The following PTPRN2 variants were observed in gnomAD, a reference collection of about 807,000 sequenced individuals.
PTPRN2 encodes receptor-type tyrosine-protein phosphatase N2.
Under a neutral mutation model 118.8 loss-of-function variants are expected in PTPRN2, and 74 were observed. The ratio of observed to expected loss-of-function variants is 0.62; its 90% CI spans 0.52 to 0.76. PTPRN2 has a LOEUF of 0.76. PTPRN2 is among the 30% of genes least tolerant of loss of function. The pLI is 0.00. For missense variants in PTPRN2, 1,481 were observed against 1,394.4 expected, an observed-to-expected ratio of 1.06 and a Z score of -0.99; for synonymous variants, 641 against 608.0, an observed-to-expected ratio of 1.05 and a Z score of -0.80.
chr7:157,544,171 G>A (rs560363389), intron 22 of PTPRN2, among the ~76,000 whole-genome samples: 1 of 151,632 alleles, frequency 6.6e-6, no homozygotes, highest in African/African-American at 2.4e-5. Flanking sequence ...GGAGAGAGAC[G>A]GAGAGAGGTG....
In PTPRN2 at chr7:157,975,527, G is replaced by A. The variant is rs957793865; in HGVS notation, c.1724-76790C>T. Among the ~76,000 whole-genome samples the A allele has an allele frequency of 7.2e-5, 11 of 152,184 alleles. 1 individual carries two copies. In the South Asian group the frequency reaches 1.9e-3, roughly 26 times the overall value. On this transcript the variant is annotated intron_variant, in intron 11 of 22. Coordinates refer to ENST00000389418, the MANE Select transcript of PTPRN2 (RefSeq NM_002847.5). ...GCTATTCATATTCCCACGGCCCCAC[G>A]AGGAGACGTGCTTCATTCTACACAA...
chr7:157,913,870 T>C (rs1197237498), intron 11 of PTPRN2, among the ~76,000 whole-genome samples: 1 of 152,162 alleles, frequency 6.6e-6, no homozygotes, highest in African/African-American at 2.4e-5. Flanking sequence ...GTCTGGGATG[T>C]TTTGTGTATG....
At chr7:158,508,177 G>A (rs79155310) in intron 1 of PTPRN2, among the ~76,000 whole-genome samples, 2,649 of 151,776 alleles carry the variant, frequency 0.017, 67 homozygotes, top group African/African-American at 0.061. Context: ...GTGGGCAGGC[G>A]GCAGGAGACC....
intron 3 of PTPRN2, among the ~76,000 whole-genome samples, chr7:158,225,236 C>T (rs149142576): frequency 4.9e-4 from 75 of 151,944 alleles, no homozygotes; most frequent in Middle Eastern, 3.4e-3. Context: ...CCATTCATCC[C>T]AAAGAAATGA....
intron 1 of PTPRN2, among the ~76,000 whole-genome samples, chr7:158,539,090 TCAGCCAGCA>T (rs1825822766): frequency 6.6e-6 from 1 of 152,122 alleles, no homozygotes; most frequent in South Asian, 2.1e-4. Flanking sequence ...GCCCCCCGTG[TCAGCCAGCA>T]CAGCCTGCAA....
intron 11 of PTPRN2, among the ~76,000 whole-genome samples, chr7:157,925,205 C>A (rs10255243): frequency 2.0e-5 from 1 of 49,238 alleles, no homozygotes; most frequent in African/African-American, 1.3e-4. Flanking sequence ...GCATTTAGCA[C>A]GTCAGGCAAA....
At chr7:158,295,000 T>C (rs12690719) in intron 3 of PTPRN2, among the ~76,000 whole-genome samples, 100,412 of 112,974 alleles carry the variant, frequency 0.89, 44,116 homozygotes, top group Middle Eastern at 0.93. Context: ...GCCCAGACAC[T>C]GCACCACCTT....
intron 12 of PTPRN2, among the ~76,000 whole-genome samples, chr7:157,713,662 C>A (rs1034716868): frequency 1.3e-5 from 2 of 152,226 alleles, no homozygotes; most frequent in African/African-American, 4.8e-5. Flanking sequence ...TTCCCACAAT[C>A]TACCTGTAAC....
At chr7:158,375,452 G>C (rs1241222453) in intron 2 of PTPRN2, among the ~76,000 whole-genome samples, 1 of 152,202 alleles carries the variant, frequency 6.6e-6, no homozygotes, top group African/African-American at 2.4e-5. Context: ...CAGCCATCTC[G>C]GGGATGTGGT....
chr7:158,146,284 A>G (rs1337955787), intron 6 of PTPRN2, among the ~76,000 whole-genome samples: 1 of 152,144 alleles, frequency 6.6e-6, no homozygotes, highest in Non-Finnish European at 1.5e-5. Flanking sequence ...CCAAAATGTT[A>G]ACCTATATTT....
In PTPRN2 at chr7:158,167,037, A is replaced by T. The variant is rs1823079658; in HGVS notation, c.804T>A (p.Leu268=). 6.5e-7 allele frequency: 1 copy of T among 1,543,782 alleles called. No homozygotes were observed. The highest frequency in any genetic ancestry group is 1.4e-5 in the African/African-American group (1 of 73,182). ...TGGGCATTCTTGAGGGTGCACGCAG[A>T]AGGTACTGTGGCTCCAGGCTGCCCT... ...PGEGSLEPQY[L]LRAPSRMPRP... The change falls in exon 6 of 23, where the codon CTT becomes CTA. Residue 268 remains leucine, a synonymous_variant. Transcript: ENST00000389418.
chr7:157,804,603 G>A (rs911688973), intron 12 of PTPRN2, among the ~76,000 whole-genome samples: 1 of 152,096 alleles, frequency 6.6e-6, no homozygotes, highest in Non-Finnish European at 1.5e-5. Flanking sequence ...TCTAGATGAG[G>A]GGTGACACAT....
intron 1 of PTPRN2, among the ~76,000 whole-genome samples, chr7:158,494,216 C>G (rs866857137): frequency 6.6e-6 from 1 of 152,252 alleles, no homozygotes; most frequent in African/African-American, 2.4e-5. Flanking sequence ...TCCTGTACCA[C>G]ATGCACCTGC....
At chr7:158,541,868 G>A (rs757542229) in intron 1 of PTPRN2, 44 of 435,104 alleles carry the variant, frequency 1.0e-4, no homozygotes, top group Non-Finnish European at 1.3e-4. Context: ...CCAATTCAGG[G>A]AGCTCAGAAC....
At chr7:158,062,333 A>G (rs1043949001) in intron 11 of PTPRN2, among the ~76,000 whole-genome samples, 1 of 152,246 alleles carries the variant, frequency 6.6e-6, no homozygotes, top group African/African-American at 2.4e-5. Flanking sequence ...TCCTGCTGTT[A>G]CAGTCAGTGC....
intron 17 of PTPRN2, among the ~76,000 whole-genome samples, chr7:157,580,472 G>GCAGCACCTGCACACCA (rs1259617130): frequency 3.3e-4 from 22 of 66,082 alleles, no homozygotes; most frequent in Admixed American, 9.0e-4. Context: ...CCTGCACACC[G>GCAGCACCTGCACACCA]CAGCACCTGC....
At position 158,239,376 on chromosome 7, in the gene PTPRN2, C is replaced by T. The variant is rs73746441; in HGVS notation, c.278-34103G>A. 1.1e-3 allele frequency among the ~76,000 whole-genome samples: 174 copies of T among 152,296 alleles called. 1 individual carries two copies. Among genetic ancestry groups the T allele is most frequent in the African/African-American group, 3.8e-3 (157 of 41,572 alleles). ...AGCAAGGAGCCCGGAGCTGGTATCC[C>T]GGAGCTTGTTCTTTCCTGGGGCGCT... On this transcript the variant is annotated intron_variant, in intron 3 of 22. Coordinates refer to ENST00000389418, the MANE Select transcript of PTPRN2 (RefSeq NM_002847.5).
At chr7:158,350,902 T>C (rs1316653271) in intron 2 of PTPRN2, among the ~76,000 whole-genome samples, 1 of 152,200 alleles carries the variant, frequency 6.6e-6, no homozygotes, top group Non-Finnish European at 1.5e-5. Flanking sequence ...CAAATCAATT[T>C]GTCTGCTGTT....
chr7:158,359,576 G>A (rs992657721), intron 2 of PTPRN2, among the ~76,000 whole-genome samples: 1 of 152,024 alleles, frequency 6.6e-6, no homozygotes. Context: ...CGACACTCTA[G>A]GTTGTTTTTT....
Sources: allele counts gnomAD v4.1 joint callset (sites outside exome capture counted in the v4.1 genomes callset), GRCh38; gene constraint gnomAD v4.1.1; transcripts MANE v1.5; gene names NCBI Gene and HGNC (gene_info 2026-07-23, HGNC 2026-07-21).